The following TRMT11 variants were observed in gnomAD, a reference collection of about 807,000 sequenced individuals.
The protein encoded by TRMT11 is tRNA methyltransferase 11.
Under a neutral mutation model 62.8 loss-of-function variants are expected in TRMT11, and 53 were observed. That is an observed-to-expected ratio of 0.84 (90% confidence interval 0.68 to 1.06). The LOEUF (loss-of-function observed/expected upper bound fraction) is 1.06, where lower values mean the gene tolerates loss of function less well. Ranked by LOEUF, TRMT11 falls within the 50% of genes least tolerant of loss-of-function variation. The pLI, the probability that TRMT11 is intolerant of heterozygous loss-of-function variation, is 0.00. For synonymous variants in TRMT11, 188 were observed against 190.3 expected, an observed-to-expected ratio of 0.99 and a Z score of 0.10; for missense variants, 556 against 553.4, an observed-to-expected ratio of 1.00 and a Z score of -0.05.
intron 17 of TRMT11, among the ~76,000 whole-genome samples, chr6:126,088,873 C>A (rs974645255): frequency 6.6e-6 from 1 of 152,112 alleles, no homozygotes; most frequent in Non-Finnish European, 1.5e-5. Context: ...AATCAAATCC[C>A]AAACTGTTTT....
chr6:125,993,958 G>T, intron 2 of TRMT11, 136 bp downstream of exon 2: 1 of 468,886 alleles, frequency 2.1e-6, no homozygotes, highest in Non-Finnish European at 3.7e-6. Flanking sequence ...GGAATAAAGT[G>T]GATATTTTTG....
intron 17 of TRMT11, among the ~76,000 whole-genome samples, chr6:126,112,678 G>T (rs1309307321): frequency 3.9e-5 from 6 of 151,966 alleles, no homozygotes; most frequent in Non-Finnish European, 7.4e-5. Context: ...TTTTTGCTTG[G>T]CTGCTAGCTA....
At chr6:126,182,188 T>C (rs1778474179) in intron 1 of TRMT11, among the ~76,000 whole-genome samples, 1 of 152,178 alleles carries the variant, frequency 6.6e-6, no homozygotes, top group African/African-American at 2.4e-5. Flanking sequence ...AGAACCTTTC[T>C]ACAAAAAGGA....
chr6:126,085,208 CTTTAA>C (rs1777200776), intron 17 of TRMT11, among the ~76,000 whole-genome samples: 1 of 152,152 alleles, frequency 6.6e-6, no homozygotes, highest in Non-Finnish European at 1.5e-5. Context: ...ACATATATAA[CTTTAA>C]TTTGTCAATT....
At chr6:126,209,855 T>C in the TRMT11 span, among the ~76,000 whole-genome samples, 17 of 152,296 alleles carry the variant, frequency 1.1e-4, 1 homozygote, top group East Asian at 2.1e-3. Context: ...AGCTTCCACT[T>C]CTCTATATCA....
At chr6:125,992,612 T>C (rs1790803664) in intron 1 of TRMT11, among the ~76,000 whole-genome samples, 1 of 152,200 alleles carries the variant, frequency 6.6e-6, no homozygotes, top group Non-Finnish European at 1.5e-5. Context: ...GAGGTAGCTA[T>C]GATTCCTGTT....
At chr6:126,178,763 G>C (rs939477269) in intron 1 of TRMT11, among the ~76,000 whole-genome samples, 4 of 152,032 alleles carry the variant, frequency 2.6e-5, no homozygotes, top group Admixed American at 2.0e-4. Flanking sequence ...TCCTGCTTGG[G>C]GAGCATAAAC....
chr6:126,215,836 C>T, the TRMT11 span, among the ~76,000 whole-genome samples: 1 of 151,984 alleles, frequency 6.6e-6, no homozygotes, highest in Non-Finnish European at 1.5e-5. Flanking sequence ...ATGCTGAATG[C>T]ACAAACAAAC....
chr6:126,157,534 T>A (rs537027582), intron 21 of TRMT11, among the ~76,000 whole-genome samples: 1 of 152,106 alleles, frequency 6.6e-6, no homozygotes, highest in African/African-American at 2.4e-5. Context: ...TTTTCCTGAG[T>A]CAATGAACCC....
At chr6:126,082,857 ATAGT>A (rs1777173642) in intron 17 of TRMT11, among the ~76,000 whole-genome samples, 1 of 152,204 alleles carries the variant, frequency 6.6e-6, no homozygotes, top group Non-Finnish European at 1.5e-5. Context: ...CTGAAAAATT[ATAGT>A]TAAAAATAAG....
intron 3 of TRMT11, among the ~76,000 whole-genome samples, chr6:125,997,756 A>G (rs1791781065): frequency 6.6e-6 from 1 of 152,050 alleles, no homozygotes; most frequent in African/African-American, 2.4e-5. Flanking sequence ...TGATCCACCC[A>G]CCTCGGCCTC....
chr6:126,095,683 A>G (rs1777331667), intron 17 of TRMT11, among the ~76,000 whole-genome samples: 1 of 152,158 alleles, frequency 6.6e-6, no homozygotes, highest in African/African-American at 2.4e-5. Flanking sequence ...GAGAAACCAA[A>G]CATATAAAAA....
At chr6:125,994,473 C>T (rs892116582) in intron 2 of TRMT11, among the ~76,000 whole-genome samples, 1 of 152,078 alleles carries the variant, frequency 6.6e-6, no homozygotes, top group African/African-American at 2.4e-5. Flanking sequence ...CCATAATTAA[C>T]CATTTCATTT....
At chr6:126,052,341 A>T (rs1333123693) in intron 16 of TRMT11, among the ~76,000 whole-genome samples, 1 of 152,134 alleles carries the variant, frequency 6.6e-6, no homozygotes, top group Non-Finnish European at 1.5e-5. Flanking sequence ...AGAAAAACCC[A>T]AAGGGTTTTC....
intron 8 of TRMT11, among the ~76,000 whole-genome samples, chr6:126,009,965 T>C (rs1793935666): frequency 6.6e-6 from 1 of 152,042 alleles, no homozygotes; most frequent in Non-Finnish European, 1.5e-5. Flanking sequence ...CTCTGTTTCC[T>C]GTGGTTCTGA....
At chr6:126,178,958 G>A (rs1053639829) in intron 1 of TRMT11, among the ~76,000 whole-genome samples, 1 of 151,950 alleles carries the variant, frequency 6.6e-6, no homozygotes, top group African/African-American at 2.4e-5. Context: ...TATTCTTATT[G>A]TCTATCAGGG....
chr6:126,171,245 G>A (rs1040743394), intron 21 of TRMT11, among the ~76,000 whole-genome samples: 3 of 151,616 alleles, frequency 2.0e-5, no homozygotes, highest in Admixed American at 6.6e-5. Flanking sequence ...AGCAGGATTC[G>A]CTTACTTTTT....
chr6:126,123,448 G>T (rs879392441), intron 21 of TRMT11, among the ~76,000 whole-genome samples: 1 of 152,040 alleles, frequency 6.6e-6, no homozygotes, highest in African/African-American at 2.4e-5. Flanking sequence ...GGACAGACTT[G>T]AACACTCCCA....
At chr6:126,059,721 A>G (rs1776476418) in intron 17 of TRMT11, among the ~76,000 whole-genome samples, 1 of 152,198 alleles carries the variant, frequency 6.6e-6, no homozygotes, top group South Asian at 2.1e-4. Flanking sequence ...ATTTGAACCT[A>G]TATCTGACTG....
Sources: allele counts gnomAD v4.1 joint callset (sites outside exome capture counted in the v4.1 genomes callset), GRCh38; gene constraint gnomAD v4.1.1; transcripts MANE v1.5; gene names NCBI Gene and HGNC (gene_info 2026-07-23, HGNC 2026-07-21).